The following RASA3 variants were observed in gnomAD, a reference collection of about 807,000 sequenced individuals.
The protein encoded by RASA3 is RAS p21 protein activator 3.
A neutral mutation model predicts 110.0 loss-of-function variants in RASA3; 73 were observed. That is an observed-to-expected ratio of 0.66 (90% CI 0.55 to 0.81). The LOEUF (loss-of-function observed/expected upper bound fraction) is 0.81. Ranked by LOEUF, RASA3 falls within the 30% of genes least tolerant of loss-of-function variation. The pLI, the probability that RASA3 is intolerant of heterozygous loss-of-function variation, is 0.00. For synonymous variants in RASA3, 500 were observed against 451.4 expected, an observed-to-expected ratio of 1.11 and a Z score of -1.37; for missense variants, 976 against 1,113.2, an observed-to-expected ratio of 0.88 and a Z score of 1.75.
intron 4 of RASA3, among the ~76,000 whole-genome samples, chr13:114,037,221 G>A (rs1016969399): frequency 3.3e-5 from 5 of 152,188 alleles, no homozygotes; most frequent in African/African-American, 4.8e-5. Flanking sequence ...AGTCCTGATC[G>A]TCATGGTGGT....
chr13:114,008,082 G>T (rs113162519), intron 17 of RASA3, among the ~76,000 whole-genome samples: 178 of 1,234 alleles, frequency 0.14, 51 homozygotes, highest in South Asian at 0.75. Context: ...GGGGCCTGGA[G>T]GTTGCCCCCA....
rs560303104 is a variant in RASA3 at position 114,040,509 on chromosome 13, C to T, written c.372+491G>A. On this transcript the variant is annotated intron_variant, in intron 4 of 23. Transcript: ENST00000334062. ...CACTCCGAGCACAAGCGGGCGAACA[C>T]GCACAACCCAAAATCCATGGCGGAG... 5.1e-4 allele frequency among the ~76,000 whole-genome samples: 68 copies of T among 133,638 alleles called. 1 individual carries two copies. Among genetic ancestry groups the T allele is most frequent in the African/African-American group, 1.9e-3 (63 of 33,348 alleles). The allele number at this position is 133,638 out of a possible 152,430, so 87.7% of individuals were successfully genotyped here. A position where few individuals can be genotyped will look rare whatever the true frequency, so the allele number is the denominator to read the frequency against.
chr13:113,996,570 G>A lies in RASA3; in HGVS notation c.2102C>T (p.Ala701Val), dbSNP rs550150036. Residue 701 changes from alanine (A) to valine (V), a missense_variant, in exon 21 of 24, where the codon GCG (alanine) becomes GTG (valine). By Grantham distance (64) the Ala-to-Val change is moderately conservative. Around this residue, in one of 4 missense-constraint regions of RASA3, gnomAD observed 109 missense variants for 162.5 expected, o/e 0.67. Transcript: ENST00000334062. ...GCAGCCCGGAGCCGAGTCGGATGGCGCCCTACAGCACAGCCAGTGGCCGCT... is the reference window on the plus strand; with the variant it reads ...GCAGCCCGGAGCCGAGTCGGATGGCACCCTACAGCACAGCCAGTGGCCGCT... ...YLSGHWLCCR[A>V]PSDSAPGCSP... The A allele has an allele frequency of 1.6e-5, 26 of 1,613,192 alleles. No individual in the cohort carries two copies. The highest frequency in any genetic ancestry group is 1.2e-4 in the South Asian group (11 of 91,072).
At chr13:114,027,819 CAG>C (rs2054055673) in intron 6 of RASA3, 26 bp downstream of exon 6, 1 of 1,606,886 alleles carries the variant, frequency 6.2e-7, no homozygotes, top group Admixed American at 1.7e-5. Flanking sequence ...AGGACCAGAA[CAG>C]AAACCTGAAG....
chr13:113,999,212 A>G (rs923602501), intron 20 of RASA3, among the ~76,000 whole-genome samples: 16 of 152,328 alleles, frequency 1.1e-4, no homozygotes, highest in African/African-American at 3.8e-4. Flanking sequence ...ATTCAAAATT[A>G]TATCAAAATA....
chr13:114,025,501 C>T (rs181670686), intron 7 of RASA3, among the ~76,000 whole-genome samples: 8 of 149,696 alleles, frequency 5.3e-5, no homozygotes, highest in East Asian at 3.9e-4. Context: ...CCCTGCCTCA[C>T]GCCCTCTCTG....
chr13:114,029,248 T>C (rs1594350037), intron 5 of RASA3, among the ~76,000 whole-genome samples: 1 of 13,674 alleles, frequency 7.3e-5, no homozygotes. Flanking sequence ...GGCATCATCC[T>C]GGGGCCAGGA....
chr13:114,023,870 C>T (rs891695591), intron 8 of RASA3, among the ~76,000 whole-genome samples: 1 of 152,232 alleles, frequency 6.6e-6, no homozygotes, highest in Non-Finnish European at 1.5e-5. Context: ...GCCACCCAGC[C>T]GAGAGTTTCA....
chr13:114,013,999 CGTCT>C (rs779507264), intron 14 of RASA3, among the ~76,000 whole-genome samples: 5 of 120,324 alleles, frequency 4.2e-5, no homozygotes, highest in East Asian at 2.6e-4. Context: ...CATCTCTCTC[CGTCT>C]GTCTCTGTCT....
intron 2 of RASA3, among the ~76,000 whole-genome samples, chr13:114,058,078 A>T (rs187138720): frequency 3.9e-5 from 6 of 152,246 alleles, no homozygotes; most frequent in Admixed American, 2.0e-4. Context: ...CGGAGGCCAG[A>T]ACCAGCCGAG....
rs1211962867 is a variant in RASA3 at position 114,017,346 on chromosome 13, G to C, written c.1097C>G (p.Pro366Arg). The change falls in exon 12 of 24, where the codon CCC (proline) becomes CGC (arginine). Residue 366 changes from proline (P) to arginine (R), a missense_variant. Physicochemically the swap from Pro to Arg is moderately radical, Grantham distance 103. Coordinates refer to ENST00000334062, the MANE Select transcript of RASA3 (RefSeq NM_007368.4). ...ASAEVKRTQD[P>R]NTIFRGNSLA... ...TGAGTTTCCTCGGAAGATGGTGTTG[G>C]GGTCCCTGGGAAATGGCGATGGGGA... 4 of 1,613,382 alleles carry C rather than the reference G, an allele frequency of 2.5e-6. No individual in the cohort carries two copies. Among genetic ancestry groups the C allele is most frequent in the African/African-American group, 2.7e-5 (2 of 74,940 alleles).
intron 22 of RASA3, among the ~76,000 whole-genome samples, 175 bp from the exon 23 acceptor site, chr13:113,982,033 G>A (rs964092672): frequency 1.3e-5 from 2 of 152,234 alleles, no homozygotes; most frequent in African/African-American, 4.8e-5. Context: ...CATTCCCGCA[G>A]GTAGGCGAGT....
At chr13:114,099,015 A>ACCCCTCCTTTTCTCAAGGT (rs1241449142) in intron 1 of RASA3, among the ~76,000 whole-genome samples, 66 of 66,922 alleles carry the variant, frequency 9.9e-4, no homozygotes, top group South Asian at 2.2e-3. Context: ...CCCCCAGACC[A>ACCCCTCCTTTTCTCAAGGT]CAGCAGTCGG....
At chr13:113,997,831 G>A (rs2053290541) in intron 20 of RASA3, among the ~76,000 whole-genome samples, 1 of 152,176 alleles carries the variant, frequency 6.6e-6, no homozygotes, top group Non-Finnish European at 1.5e-5. Context: ...TTGGGCTCCA[G>A]GTTTCTGGTG....
chr13:114,101,347 G>A lies in RASA3; in HGVS notation c.56-27510C>T, dbSNP rs1165413173. Among the ~76,000 whole-genome samples, 3 of 152,186 alleles carry A rather than the reference G, an allele frequency of 2.0e-5. No homozygotes were observed. The East Asian group carries it at 5.8e-4, about 29-fold the overall frequency. Reference sequence around the variant, plus strand: ...CCCCAACCAGGACGGGTAGGCAGTGGCCCCAGCACCCCCTGCACCCCCACG... The same window carrying A: ...CCCCAACCAGGACGGGTAGGCAGTGACCCCAGCACCCCCTGCACCCCCACG... On this transcript the variant is annotated intron_variant, in intron 1 of 23. Transcript: ENST00000334062.
At position 114,065,932 on chromosome 13, in the gene RASA3, G is replaced by A. The variant is rs1261821435; in HGVS notation, c.173+7788C>T. Reference sequence around the variant, plus strand: ...AAGACTCAGTGAGGAAAGCAGGCGGGCTGGGCTGAGACTCACAGCTGCAGC... The same window carrying A: ...AAGACTCAGTGAGGAAAGCAGGCGGACTGGGCTGAGACTCACAGCTGCAGC... On this transcript the variant is annotated intron_variant, in intron 2 of 23. Coordinates refer to ENST00000334062, the MANE Select transcript of RASA3 (RefSeq NM_007368.4). This position sits in a 1 kb window ranked among gnomAD's most constrained non-coding sequence, Gnocchi z 4.1. 6.6e-6 allele frequency among the ~76,000 whole-genome samples: 1 copy of A among 152,194 alleles called. No individual in the cohort carries two copies. Among genetic ancestry groups the A allele is most frequent in the Non-Finnish European group, 1.5e-5 (1 of 68,030 alleles).
chr13:114,037,863 C>T (rs1488587355), intron 4 of RASA3, among the ~76,000 whole-genome samples: 1 of 152,130 alleles, frequency 6.6e-6, no homozygotes, highest in African/African-American at 2.4e-5. Flanking sequence ...GAGAAGGGAG[C>T]ACAGCCTTCT....
intron 1 of RASA3, among the ~76,000 whole-genome samples, chr13:114,083,537 G>T (rs935306591): frequency 1.5e-5 from 2 of 136,276 alleles, no homozygotes; most frequent in Non-Finnish European, 3.3e-5. Flanking sequence ...GACTCCCTTC[G>T]TCCTCGCGGG....
intron 23 of RASA3, among the ~76,000 whole-genome samples, chr13:113,980,372 CGTGT>C (rs1270238592): frequency 3.5e-5 from 5 of 142,872 alleles, no homozygotes; most frequent in East Asian, 4.2e-4. Flanking sequence ...GCGCCTCCTC[CGTGT>C]GTGTGCCTCC....
Sources: gnomAD v4.1 joint callset for allele counts (sites outside exome capture counted in the v4.1 genomes callset) on GRCh38, gnomAD v4.1.1 for gene constraint, gnomAD v4.1.1 regional missense constraint, Gnocchi (gnomAD v3.1) non-coding constraint, MANE v1.5 for transcripts, NCBI Gene and HGNC (gene_info 2026-07-23, HGNC 2026-07-21) for gene names.